The following SULF1 variants were observed in gnomAD, a reference collection of about 807,000 sequenced individuals.
SULF1 encodes sulfatase 1.
Under a neutral mutation model 110.5 loss-of-function variants are expected in SULF1, and 46 were observed. The observed-to-expected ratio is 0.42, with a 90% CI of 0.33 to 0.53. The LOEUF (loss-of-function observed/expected upper bound fraction) is 0.53. Among genes scored for constraint, SULF1 ranks in the 20% least tolerant of loss-of-function variants. SULF1 has a pLI of 0.12. For synonymous variants in SULF1, 371 were observed against 387.1 expected (o/e 0.96, Z 0.49); for missense variants, 941 against 1,094.2 (o/e 0.86, Z 1.98).
chr8:69,525,949 T>G (rs1367418035), intron 3 of SULF1, among the ~76,000 whole-genome samples: 1 of 152,176 alleles, frequency 6.6e-6, no homozygotes, highest in East Asian at 1.9e-4. Flanking sequence ...TGGAACAAAT[T>G]TCTTGAAGCT....
intron 3 of SULF1, among the ~76,000 whole-genome samples, chr8:69,515,208 C>A (rs964445639): frequency 6.6e-6 from 1 of 152,204 alleles, no homozygotes; most frequent in Non-Finnish European, 1.5e-5. Flanking sequence ...TCTGCCTGGA[C>A]ATCCAGGCAT....
At chr8:69,577,635 G>C (rs575531885) in intron 6 of SULF1, among the ~76,000 whole-genome samples, 2 of 152,252 alleles carry the variant, frequency 1.3e-5, no homozygotes, top group East Asian at 3.9e-4. Context: ...CCAGGACTTA[G>C]AGCAGTCAAC....
chr8:69,633,930 C>A (rs1810780222), intron 19 of SULF1, among the ~76,000 whole-genome samples: 1 of 151,966 alleles, frequency 6.6e-6, no homozygotes, highest in South Asian at 2.1e-4. Flanking sequence ...GTTTAAAACC[C>A]ATTTAAACGG....
At chr8:69,522,293 C>G (rs1812364110) in intron 3 of SULF1, among the ~76,000 whole-genome samples, 1 of 152,154 alleles carries the variant, frequency 6.6e-6, no homozygotes, top group Non-Finnish European at 1.5e-5. Flanking sequence ...GATCCACCCG[C>G]CTCAGCCTCC....
intron 5 of SULF1, among the ~76,000 whole-genome samples, chr8:69,575,619 T>C (rs192552772): frequency 2.0e-5 from 3 of 152,312 alleles, no homozygotes; most frequent in Admixed American, 6.5e-5. Flanking sequence ...GGGGTTTTGA[T>C]GCTCTGTGTA....
At position 69,630,477 on chromosome 8, in the gene SULF1, G is replaced by T. The variant is rs564155974; in HGVS notation, c.2284+798G>T. ...AGAATTGATAGACCATTCTTGGGGGGATCTAGGGCTTGTCCTAGGAGACTT... is the reference window on the plus strand; with the variant it reads ...AGAATTGATAGACCATTCTTGGGGGTATCTAGGGCTTGTCCTAGGAGACTT... On this transcript the variant is annotated intron_variant, in intron 19 of 22. Transcript: ENST00000402687. 3.3e-5 allele frequency among the ~76,000 whole-genome samples: 5 copies of T among 152,318 alleles called. No individual in the cohort carries two copies. In the East Asian group the frequency reaches 7.7e-4, roughly 24 times the overall value.
intron 3 of SULF1, among the ~76,000 whole-genome samples, chr8:69,502,689 T>C (rs1202478928): frequency 4.6e-4 from 60 of 129,562 alleles, no homozygotes; most frequent in African/African-American, 1.5e-3. Context: ...TCTTTTTTTT[T>C]CTTTTTTTTT....
intron 14 of SULF1, 21 bp from the exon 15 acceptor site, chr8:69,623,921 T>C: frequency 6.2e-7 from 1 of 1,600,244 alleles, no homozygotes; most frequent in Non-Finnish European, 8.5e-7. Context: ...TCCATAGTAA[T>C]GTATCTTCCC....
chr8:69,604,962 C>T (rs1488332398), intron 13 of SULF1, 30 bp downstream of exon 13: 1 of 1,607,418 alleles, frequency 6.2e-7, no homozygotes, highest in Admixed American at 1.7e-5. Context: ...TTTACCACCA[C>T]TCATGTGCTT....
At chr8:69,479,520 G>C (rs73285797) in intron 1 of SULF1, among the ~76,000 whole-genome samples, 4 of 152,062 alleles carry the variant, frequency 2.6e-5, no homozygotes, top group Non-Finnish European at 5.9e-5. Context: ...GAAGAAAGAC[G>C]AACTTATTGC....
chr8:69,577,188 G>A (rs757032484), intron 6 of SULF1, among the ~76,000 whole-genome samples: 2 of 152,198 alleles, frequency 1.3e-5, no homozygotes, highest in Admixed American at 1.3e-4. Flanking sequence ...TTTCTTATGC[G>A]TAGGAAAGAA....
chr8:69,638,465 T>TTTTTG, intron 19 of SULF1, 37 bp from the exon 20 acceptor site: 1 of 1,600,896 alleles, frequency 6.2e-7, no homozygotes, highest in Non-Finnish European at 8.5e-7. Flanking sequence ...TTTTTCACTC[T>TTTTTG]TTTTGTTTTG....
chr8:69,563,829 C>T, intron 4 of SULF1, 87 bp from the exon 5 acceptor site: 4 of 752,502 alleles, frequency 5.3e-6, no homozygotes, highest in Non-Finnish European at 6.5e-6. Flanking sequence ...CCAATACTGA[C>T]TTATTTGTAG....
chr8:69,489,663 G>A (rs530461330), upstream of SULF1, among the ~76,000 whole-genome samples: 29 of 134,966 alleles, frequency 2.1e-4, no homozygotes, highest in Admixed American at 2.1e-3. Flanking sequence ...TGCAAGCTCC[G>A]CCTCCCAGGT....
chr8:69,512,142 T>C (rs1248879116), intron 3 of SULF1, among the ~76,000 whole-genome samples: 1 of 152,208 alleles, frequency 6.6e-6, no homozygotes, highest in Non-Finnish European at 1.5e-5. Flanking sequence ...TCAAGTCACA[T>C]ATCAAATGTT....
chr8:69,563,739 G>T, intron 4 of SULF1, 128 bp downstream of exon 4: 1 of 445,240 alleles, frequency 2.2e-6, no homozygotes, highest in East Asian at 3.5e-5. Flanking sequence ...AAATAATCAA[G>T]TGCTTAAAAA....
intron 1 of SULF1, among the ~76,000 whole-genome samples, chr8:69,477,906 G>T (rs980589611): frequency 4.6e-5 from 7 of 151,990 alleles, no homozygotes; most frequent in Non-Finnish European, 1.0e-4. Flanking sequence ...CACTCAGGCA[G>T]GGTGCAGTGG....
chr8:69,535,602 G>T (rs1202538879), intron 3 of SULF1, among the ~76,000 whole-genome samples: 2 of 152,168 alleles, frequency 1.3e-5, no homozygotes, highest in African/African-American at 4.8e-5. Context: ...AAGGAGTAAA[G>T]CTCTAACCTT....
chr8:69,638,418 A>T, intron 19 of SULF1, 84 bp from the exon 20 acceptor site: 1 of 1,451,224 alleles, frequency 6.9e-7, no homozygotes, highest in Non-Finnish European at 9.3e-7. Flanking sequence ...TAAAGTGTAA[A>T]GATAAGGGAA....
Sources: allele counts gnomAD v4.1 joint callset (sites outside exome capture counted in the v4.1 genomes callset), GRCh38; gene constraint gnomAD v4.1.1; transcripts MANE v1.5; gene names NCBI Gene and HGNC (gene_info 2026-07-23, HGNC 2026-07-21).